CDH12: variants seen among roughly 807,000 people sequenced by gnomAD.
CDH12 encodes cadherin-12.
CDH12 carries 41 observed loss-of-function variants against 74.1 expected under a neutral mutation model. That is an observed-to-expected ratio of 0.55 (90% CI 0.43 to 0.72). The LOEUF is 0.72. Among genes scored for constraint, CDH12 ranks in the 30% least tolerant of loss-of-function variants. CDH12 has a pLI of 0.00. For missense variants in CDH12, 945 were observed against 977.2 expected, an observed-to-expected ratio of 0.97 and a Z score of 0.44; for synonymous variants, 399 against 355.0, an observed-to-expected ratio of 1.12 and a Z score of -1.39.
chr5:22,204,240 T>C (rs1751090993), intron 4 of CDH12, among the ~76,000 whole-genome samples: 1 of 151,242 alleles, frequency 6.6e-6, no homozygotes, highest in African/African-American at 2.4e-5. Context: ...TGGTGCGATC[T>C]CAGCTCCGCC....
chr5:22,664,103 T>C (rs1740486463), intron 1 of CDH12, among the ~76,000 whole-genome samples: 1 of 152,208 alleles, frequency 6.6e-6, no homozygotes, highest in South Asian at 2.1e-4. Flanking sequence ...GATTATCAAA[T>C]GTCAACAATA....
At chr5:22,481,912 AC>A (rs1746399177) in intron 2 of CDH12, among the ~76,000 whole-genome samples, 1 of 152,160 alleles carries the variant, frequency 6.6e-6, no homozygotes, top group African/African-American at 2.4e-5. Context: ...GTATGAGGAA[AC>A]TTTTAGAGTG....
intron 5 of CDH12, among the ~76,000 whole-genome samples, chr5:22,068,159 C>T (rs1389395968): frequency 1.3e-5 from 2 of 152,110 alleles, no homozygotes; most frequent in South Asian, 4.1e-4. Context: ...CACAGCACTA[C>T]CCCATCATCA....
intron 6 of CDH12, among the ~76,000 whole-genome samples, chr5:21,960,350 G>T (rs1756300589): frequency 6.6e-6 from 1 of 152,094 alleles, no homozygotes; most frequent in Non-Finnish European, 1.5e-5. Flanking sequence ...GCTTATGCTT[G>T]TTGCAAGGAA....
chr5:22,727,208 T>C (rs1580932359), intron 1 of CDH12, among the ~76,000 whole-genome samples: 1 of 151,938 alleles, frequency 6.6e-6, no homozygotes, highest in East Asian at 1.9e-4. Context: ...TGAATAGGTC[T>C]ATCATGAATG....
chr5:21,862,086 A>G (rs1473194796), intron 6 of CDH12, among the ~76,000 whole-genome samples: 1 of 151,912 alleles, frequency 6.6e-6, no homozygotes, highest in Non-Finnish European at 1.5e-5. Flanking sequence ...CTATGTGTGC[A>G]TGTGTGGTAT....
chr5:21,851,280 G>C (rs1272607337), intron 7 of CDH12, among the ~76,000 whole-genome samples: 1 of 150,978 alleles, frequency 6.6e-6, no homozygotes, highest in Non-Finnish European at 1.5e-5. Flanking sequence ...TAAGACATAA[G>C]AGTTCATCAT....
chr5:21,890,141 G>T (rs552963279), intron 6 of CDH12, among the ~76,000 whole-genome samples: 66 of 152,202 alleles, frequency 4.3e-4, no homozygotes, highest in Admixed American at 6.5e-4. Flanking sequence ...GTGGGTGTAT[G>T]TGTATGTCTT....
intron 3 of CDH12, among the ~76,000 whole-genome samples, chr5:22,391,774 A>C (rs1016851155): frequency 1.3e-5 from 2 of 152,130 alleles, no homozygotes; most frequent in East Asian, 3.8e-4. Context: ...GGTCAATATA[A>C]ATCAATCAAA....
chr5:22,617,849 G>T (rs1737765981), intron 1 of CDH12, among the ~76,000 whole-genome samples: 1 of 152,058 alleles, frequency 6.6e-6, no homozygotes, highest in Admixed American at 6.6e-5. Context: ...CTGCCCAATG[G>T]TATGATTTTA....
At chr5:22,555,822 T>C (rs1003434011) in intron 1 of CDH12, among the ~76,000 whole-genome samples, 1 of 151,934 alleles carries the variant, frequency 6.6e-6, no homozygotes, top group Admixed American at 6.6e-5. Context: ...AAGCAGTTTA[T>C]TAAAAACATG....
intron 11 of CDH12, among the ~76,000 whole-genome samples, chr5:21,777,525 C>T (rs920746121): frequency 2.7e-5 from 3 of 110,134 alleles, no homozygotes; most frequent in African/African-American, 8.2e-5. Context: ...TTACCACTAA[C>T]ATTTTTTTTT....
chr5:21,900,283 G>A (rs1753324871), intron 6 of CDH12, among the ~76,000 whole-genome samples: 1 of 151,996 alleles, frequency 6.6e-6, no homozygotes, highest in Non-Finnish European at 1.5e-5. Context: ...AAGAAAGGAA[G>A]GAAGAAATGA....
intron 4 of CDH12, among the ~76,000 whole-genome samples, chr5:22,084,729 C>T (rs1485865076): frequency 1.3e-5 from 2 of 152,066 alleles, no homozygotes; most frequent in African/African-American, 2.4e-5. Context: ...ACTCTGGCCA[C>T]GGTTGTCAGC....
chr5:22,276,244 G>A (rs892658381), intron 3 of CDH12, among the ~76,000 whole-genome samples: 16 of 151,900 alleles, frequency 1.1e-4, no homozygotes, highest in Admixed American at 6.6e-4. Context: ...CAGTATCTTC[G>A]GACAACAACA....
intron 2 of CDH12, among the ~76,000 whole-genome samples, chr5:22,459,128 T>A (rs1205500922): frequency 6.6e-6 from 1 of 152,142 alleles, no homozygotes; most frequent in Non-Finnish European, 1.5e-5. Context: ...ATGTACTCTG[T>A]TGTAATTGAA....
In CDH12 at chr5:21,974,985, A is replaced by G. The variant is rs188176001; in HGVS notation, c.526+106T>C. 16 of 801,894 alleles carry G rather than the reference A, an allele frequency of 2.0e-5. No individual in the cohort carries two copies. The East Asian group carries it at 3.5e-4, about 17-fold the overall frequency. 49.7% of individuals were successfully genotyped at this position (801,894 alleles called of 1,614,324 possible). A position where few individuals can be genotyped will look rare whatever the true frequency, so the allele number is the denominator to read the frequency against. On this transcript the variant is annotated intron_variant, in intron 6 of 14. Transcript: ENST00000382254. ...AAAAGAACTGTATTTTCTAGAATTG[A>G]AAAATATTCTTTTAGATGATAGATA...
At chr5:22,825,381 G>C (rs1009034223) in intron 1 of CDH12, among the ~76,000 whole-genome samples, 2 of 152,174 alleles carry the variant, frequency 1.3e-5, no homozygotes, top group East Asian at 3.9e-4. Context: ...TAGGATGGTA[G>C]AGTGAGCAAG....
intron 5 of CDH12, among the ~76,000 whole-genome samples, chr5:22,004,165 A>G (rs1218051977): frequency 6.6e-6 from 1 of 152,118 alleles, no homozygotes; most frequent in Non-Finnish European, 1.5e-5. Flanking sequence ...TAAAACAGCC[A>G]CCCATTAATT....
Sources: allele counts gnomAD v4.1 joint callset (sites outside exome capture counted in the v4.1 genomes callset), GRCh38; gene constraint gnomAD v4.1.1; transcripts MANE v1.5; gene names NCBI Gene and HGNC (gene_info 2026-07-23, HGNC 2026-07-21).